EIF2B3: variants seen among roughly 807,000 people sequenced by gnomAD.
EIF2B3 encodes the protein eukaryotic translation initiation factor 2B subunit gamma.
In EIF2B3, 20 loss-of-function variants were observed where a neutral mutation model predicts 54.1. The ratio of observed to expected loss-of-function variants is 0.37; its 90% CI spans 0.26 to 0.54. The LOEUF is 0.54. EIF2B3 is among the 20% of genes least tolerant of loss of function. The probability of loss-of-function intolerance (pLI) is 0.86; values close to 1 mark genes in which losing one functional copy is unlikely to be tolerated. For missense variants in EIF2B3, 448 were observed against 547.8 expected (o/e 0.82, Z 1.82); for synonymous variants, 153 against 188.1 (o/e 0.81, Z 1.52).
chr1:44,896,541 T>G (rs1050362676), intron 6 of EIF2B3, among the ~76,000 whole-genome samples: 2 of 152,222 alleles, frequency 1.3e-5, no homozygotes, highest in African/African-American at 4.8e-5. Flanking sequence ...AGATACCTCT[T>G]GCTACTGTGG....
At chr1:44,951,954 ATTTTTTTTTTTTT>A (rs1171020644) in intron 3 of EIF2B3, among the ~76,000 whole-genome samples, 2 of 44,652 alleles carry the variant, frequency 4.5e-5, no homozygotes, top group East Asian at 3.1e-3. Context: ...TGCCTGGCTA[ATTTTTTTTTTTTT>A]TTTTTTTTTT....
intron 3 of EIF2B3, among the ~76,000 whole-genome samples, chr1:44,942,373 G>C (rs1204686537): frequency 4.9e-5 from 2 of 40,894 alleles, no homozygotes; most frequent in African/African-American, 2.2e-4. Context: ...TGGGCTTTCT[G>C]ATTTTATATA....
At position 44,879,819 on chromosome 1, in the gene EIF2B3, T is replaced by C. The variant is rs1027354839; in HGVS notation, c.974A>G (p.Gln325Arg). The C allele has an allele frequency of 6.2e-7, 1 of 1,613,678 alleles. No individual in the cohort carries two copies. The highest frequency in any genetic ancestry group is 2.2e-5 in the East Asian group (1 of 44,876). Residue 325 changes from glutamine (Q) to arginine (R), a missense_variant and splice_region_variant, in exon 8 of 12, where the codon CAG becomes CGG. By Grantham distance (43) the Gln-to-Arg change is conservative. Coordinates refer to ENST00000360403, the MANE Select transcript of EIF2B3 (RefSeq NM_020365.5). ...TLGLYMEANR[Q>R]VPKLLSALCP... ...TGATTTTCTAACTCATGCTCTCACC[T>C]GTCTGTTTGCTTCCATGTAGAGTCC...
chr1:44,918,805 T>G (rs1643679360), intron 5 of EIF2B3, among the ~76,000 whole-genome samples: 1 of 152,246 alleles, frequency 6.6e-6, no homozygotes, highest in African/African-American at 2.4e-5. Context: ...TCCCATCATA[T>G]ACACCCATAC....
rs377404030 is a variant in EIF2B3 at position 44,955,381 on chromosome 1, C to T, written c.295-13716G>A. On this transcript the variant is annotated intron_variant, in intron 3 of 11. Transcript: ENST00000360403. ...AAATTAAATCGAGATGGATTAAAGA[C>T]TTAAACGTAAGACCCAAAACCATAA... Among the ~76,000 whole-genome samples, 8 of 152,158 alleles carry T rather than the reference C, an allele frequency of 5.3e-5. No individual in the cohort carries two copies. In the East Asian group the frequency reaches 7.7e-4, roughly 15 times the overall value.
chr1:44,911,539 T>C (rs889179035), intron 5 of EIF2B3, among the ~76,000 whole-genome samples: 6 of 152,188 alleles, frequency 3.9e-5, no homozygotes, highest in Non-Finnish European at 5.9e-5. Flanking sequence ...CTTGCTCTCA[T>C]TGTCAAATGT....
intron 10 of EIF2B3, among the ~76,000 whole-genome samples, chr1:44,870,657 T>A (rs1232741233): frequency 9.7e-6 from 1 of 103,522 alleles, no homozygotes. Flanking sequence ...AGTTCTCAGG[T>A]TTTTTTTTTT....
intron 3 of EIF2B3, among the ~76,000 whole-genome samples, chr1:44,973,757 G>A (rs775410790): frequency 1.3e-5 from 2 of 152,138 alleles, no homozygotes; most frequent in Non-Finnish European, 2.9e-5. Context: ...GGTACTTAGA[G>A]GTAGTCAAAA....
intron 4 of EIF2B3, among the ~76,000 whole-genome samples, chr1:44,934,202 C>G (rs1007907708): frequency 8.6e-5 from 13 of 151,906 alleles, no homozygotes; most frequent in Non-Finnish European, 1.5e-4. Context: ...TCAAGACCAG[C>G]CTGGCCAAGA....
intron 3 of EIF2B3, among the ~76,000 whole-genome samples, chr1:44,976,705 A>C (rs770547099): frequency 1.3e-5 from 2 of 152,222 alleles, no homozygotes; most frequent in Non-Finnish European, 2.9e-5. Flanking sequence ...ATTCAATGGA[A>C]TACTACTAAG....
intron 6 of EIF2B3, among the ~76,000 whole-genome samples, chr1:44,890,263 C>G (rs940996201): frequency 3.3e-5 from 5 of 152,096 alleles, no homozygotes; most frequent in Non-Finnish European, 5.9e-5. Context: ...TTTCCTAGAC[C>G]TGTTTCTTGA....
intron 3 of EIF2B3, among the ~76,000 whole-genome samples, chr1:44,941,953 G>A (rs1341228378): frequency 6.6e-6 from 1 of 152,062 alleles, no homozygotes. Context: ...CCACCACATT[G>A]TCTATTTCTA....
chr1:44,944,582 C>T (rs1644076444), intron 3 of EIF2B3, among the ~76,000 whole-genome samples: 1 of 151,874 alleles, frequency 6.6e-6, no homozygotes, highest in Non-Finnish European at 1.5e-5. Flanking sequence ...CACTTGAGGC[C>T]AGGAGTTTGA....
At chr1:44,960,043 T>A (rs530159093) in intron 3 of EIF2B3, among the ~76,000 whole-genome samples, 3 of 152,240 alleles carry the variant, frequency 2.0e-5, no homozygotes, top group Non-Finnish European at 4.4e-5. Context: ...TTTGGGTATG[T>A]GTATTTATTT....
intron 3 of EIF2B3, among the ~76,000 whole-genome samples, chr1:44,968,542 G>T (rs1050327031): frequency 2.6e-5 from 4 of 152,094 alleles, no homozygotes; most frequent in African/African-American, 9.7e-5. Context: ...ACTCATAAGG[G>T]AAAGAAAAAC....
At chr1:44,919,378 T>A (rs2148927863) in intron 5 of EIF2B3, among the ~76,000 whole-genome samples, 1 of 151,990 alleles carries the variant, frequency 6.6e-6, no homozygotes, top group Non-Finnish European at 1.5e-5. Context: ...TAGTTACAGC[T>A]GAACCACACA....
At chr1:44,910,560 C>A (rs11577974) in intron 5 of EIF2B3, among the ~76,000 whole-genome samples, 57,394 of 150,626 alleles carry the variant, frequency 0.38, 11,110 homozygotes, top group Admixed American at 0.45. Flanking sequence ...GCCTCTGCAC[C>A]TGACCATATT....
chr1:44,891,895 T>A (rs1219815034), intron 6 of EIF2B3, among the ~76,000 whole-genome samples: 1 of 152,138 alleles, frequency 6.6e-6, no homozygotes, highest in Non-Finnish European at 1.5e-5. Context: ...GTATTACTAT[T>A]CTTATTTTAT....
intron 3 of EIF2B3, among the ~76,000 whole-genome samples, chr1:44,970,268 A>G (rs1472440255): frequency 6.6e-6 from 1 of 152,212 alleles, no homozygotes; most frequent in Non-Finnish European, 1.5e-5. Flanking sequence ...TAGCAAATAT[A>G]AGGTAAAGGA....
Sources: allele counts gnomAD v4.1 joint callset (sites outside exome capture counted in the v4.1 genomes callset), GRCh38; gene constraint gnomAD v4.1.1; transcripts MANE v1.5; gene names NCBI Gene and HGNC (gene_info 2026-07-23, HGNC 2026-07-21).